Variants in LRRC74A observed in about 807,000 individuals in gnomAD.
LRRC74A encodes the protein leucine-rich repeat-containing protein 74A.
A neutral mutation model predicts 57.9 loss-of-function variants in LRRC74A; 44 were observed. The observed-to-expected ratio is 0.76, with a 90% CI of 0.60 to 0.98. LRRC74A has a LOEUF of 0.98. Ranked by LOEUF, LRRC74A falls within the 50% of genes least tolerant of loss-of-function variation. The pLI is 0.00. For synonymous variants in LRRC74A, 211 were observed against 219.4 expected (o/e 0.96, Z 0.34); for missense variants, 572 against 574.0 (o/e 1.00, Z 0.04).
intron 1 of LRRC74A, 73 bp downstream of exon 1, chr14:76,826,807 G>A (rs1224355575): frequency 1.4e-5 from 15 of 1,039,814 alleles, no homozygotes; most frequent in Admixed American, 2.1e-5. Flanking sequence ...GTGATCACAG[G>A]ACCCTGAAGC....
At chr14:76,850,889 A>G (rs1392189625) in intron 7 of LRRC74A, among the ~76,000 whole-genome samples, 1 of 151,934 alleles carries the variant, frequency 6.6e-6, no homozygotes, top group Non-Finnish European at 1.5e-5. Flanking sequence ...AAGAAAAGAA[A>G]TAAGACATTA....
rs151100838 is a variant in LRRC74A at position 76,866,654 on chromosome 14, C to T, written c.1308+579C>T. Among the ~76,000 whole-genome samples the T allele has an allele frequency of 7.9e-3, 1,202 of 152,122 alleles. 11 individuals are homozygous for T. The highest frequency in any genetic ancestry group is 0.016 in the Admixed American group (244 of 15,282). ...GGTGCCCAGGCCGGGGGTGAAGAGGCTGGCCAGGACTCAGCAGCAGGAAGT... is the reference window on the plus strand; with the variant it reads ...GGTGCCCAGGCCGGGGGTGAAGAGGTTGGCCAGGACTCAGCAGCAGGAAGT... On this transcript the variant is annotated intron_variant, in intron 12 of 13. Coordinates refer to ENST00000689127, the MANE Select transcript of LRRC74A (RefSeq NM_001385106.1).
intron 1 of LRRC74A, among the ~76,000 whole-genome samples, chr14:76,827,069 G>A (rs1273701303): frequency 1.3e-5 from 2 of 152,146 alleles, no homozygotes; most frequent in African/African-American, 4.8e-5. Flanking sequence ...TTTTGGTGTT[G>A]TTTGTTTTTT....
rs199769866 is a variant in LRRC74A, at chr14:76,846,485, G to GA, written c.676+1593dup. On this transcript the variant is annotated intron_variant, in intron 7 of 13. Transcript: ENST00000689127. ...TTATTACAGCATCGCCATAAAAGAG[G>GA]AAAAAAAAATAGTAACAACCTAAAT... is the stretch of plus-strand genomic sequence containing the variant. 1.1e-4 allele frequency among the ~76,000 whole-genome samples: 17 copies of GA among 150,264 alleles called. No homozygotes were observed. In the East Asian group the frequency reaches 1.7e-3, roughly 15 times the overall value.
At chr14:76,833,211 G>C (rs1896087811) in intron 3 of LRRC74A, among the ~76,000 whole-genome samples, 1 of 152,290 alleles carries the variant, frequency 6.6e-6, no homozygotes, top group East Asian at 1.9e-4. Context: ...AGACATCTGA[G>C]AGAGTGATGA....
chr14:76,870,141 A>G lies in LRRC74A; in HGVS notation c.1408A>G (p.Lys470Glu). 2 of 1,611,558 alleles carry G rather than the reference A, an allele frequency of 1.2e-6. No homozygotes were observed. Among genetic ancestry groups the G allele is most frequent in the African/African-American group, 1.3e-5 (1 of 75,064 alleles). Reference sequence around the variant, plus strand: ...TCGTACCAGTTTCTTGAACACGATGAAGCCATAGCAACAAGTCTGGTCTAG... The same window carrying G: ...TCGTACCAGTTTCTTGAACACGATGGAGCCATAGCAACAAGTCTGGTCTAG... ...MVNFSFLNTM[K>E]P is the part of the protein sequence containing the mutation. The change falls in exon 14 of 14, where the codon AAG (lysine) becomes GAG (glutamate). Residue 470 changes from lysine to glutamate, a missense_variant. By Grantham distance (56) the Lys-to-Glu change is moderately conservative (BLOSUM62 1). Transcript: ENST00000689127.
chr14:76,835,218 C>T (rs1896238406), intron 3 of LRRC74A, among the ~76,000 whole-genome samples: 2 of 152,160 alleles, frequency 1.3e-5, no homozygotes, highest in Admixed American at 1.3e-4. Flanking sequence ...ACTAGTGGCT[C>T]ACGCCTGTAA....
At chr14:76,850,186 C>T (rs960982919) in intron 7 of LRRC74A, among the ~76,000 whole-genome samples, 4 of 152,074 alleles carry the variant, frequency 2.6e-5, no homozygotes, top group Admixed American at 6.5e-5. Flanking sequence ...CCAGCCTGGG[C>T]GACAGACGGA....
Position 76,857,666 on chromosome 14 carries a change from G to A in LRRC74A, c.1053+191G>A, listed in dbSNP as rs143371145. 8.3e-4 allele frequency among the ~76,000 whole-genome samples: 126 copies of A among 152,258 alleles called. 1 individual carries two copies. The highest frequency in any genetic ancestry group is 1.6e-3 in the Admixed American group (24 of 15,290). On this transcript the variant is annotated intron_variant, in intron 10 of 13. Coordinates refer to ENST00000689127, the MANE Select transcript of LRRC74A (RefSeq NM_001385106.1). Reference sequence around the variant, plus strand: ...ATCCTTTTAGGAAGAGTAGCTATTAGTCAGTAACATCATAGTGAGAAATAA... The same window carrying A: ...ATCCTTTTAGGAAGAGTAGCTATTAATCAGTAACATCATAGTGAGAAATAA...
intron 2 of LRRC74A, 105 bp from the exon 3 acceptor site, chr14:76,831,098 C>A: frequency 8.4e-7 from 1 of 1,185,488 alleles, no homozygotes; most frequent in Non-Finnish European, 1.2e-6. Flanking sequence ...GGGAGAGATC[C>A]TCTGGCAGAG....
intron 11 of LRRC74A, among the ~76,000 whole-genome samples, chr14:76,863,104 A>T (rs1898446739): frequency 6.6e-6 from 1 of 152,066 alleles, no homozygotes; most frequent in South Asian, 2.1e-4. Context: ...TGAAGGGCAG[A>T]TGTAAGAGCT....
At chr14:76,839,583 T>C (rs1398583202) in intron 5 of LRRC74A, among the ~76,000 whole-genome samples, 1 of 152,206 alleles carries the variant, frequency 6.6e-6, no homozygotes, top group African/African-American at 2.4e-5. Flanking sequence ...TTCTCGCTAT[T>C]ATTGTCTTTG....
chr14:76,857,342 C>A (rs1439297777), intron 9 of LRRC74A, 38 bp from the exon 10 acceptor site: 18 of 1,367,250 alleles, frequency 1.3e-5, no homozygotes, highest in East Asian at 2.5e-5. Flanking sequence ...CCTCTCCTCC[C>A]ATCTCAGCCT....
rs1168658774 is a variant in LRRC74A at position 76,865,991 on chromosome 14, C to T, written c.1224C>T (p.Ile408=). 1.9e-6 allele frequency: 3 copies of T among 1,599,038 alleles called. No individual in the cohort carries two copies. In the South Asian group the frequency reaches 3.3e-5, roughly 18 times the overall value. ...AGAGCTATGCAGACCAACACAAAATCACGATCGTGGACTTCTTCAAGAGCT... is the reference window on the plus strand; with the variant it reads ...AGAGCTATGCAGACCAACACAAAATTACGATCGTGGACTTCTTCAAGAGCT... ...LIQSYADQHK[I]TIVDFFKSLN... The change falls in exon 12 of 14, where the codon ATC becomes ATT. Residue 408 remains isoleucine, a synonymous_variant. Transcript: ENST00000689127.
chr14:76,860,877 C>G, intron 11 of LRRC74A, 38 bp downstream of exon 11: 1 of 1,530,094 alleles, frequency 6.5e-7, no homozygotes. Context: ...TCCAGGGAGC[C>G]CTGGGGAAAG....
chr14:76,844,007 T>TC (rs1264229273), intron 5 of LRRC74A, among the ~76,000 whole-genome samples: 1 of 151,764 alleles, frequency 6.6e-6, no homozygotes, highest in East Asian at 1.9e-4. Flanking sequence ...AGGCTCCTTT[T>TC]CTTTTTTTAA....
chr14:76,868,933 A>G (rs1431294368), intron 13 of LRRC74A, among the ~76,000 whole-genome samples: 2 of 152,184 alleles, frequency 1.3e-5, no homozygotes, highest in Non-Finnish European at 2.9e-5. Flanking sequence ...AGTGGGGGAA[A>G]TGCACACAGC....
At chr14:76,859,443 A>T (rs1376188716) in intron 10 of LRRC74A, among the ~76,000 whole-genome samples, 1 of 151,408 alleles carries the variant, frequency 6.6e-6, no homozygotes, top group Non-Finnish European at 1.5e-5. Context: ...CTGAAGCAGG[A>T]GAATCACTTG....
At chr14:76,861,860 G>T (rs1898338894) in intron 11 of LRRC74A, among the ~76,000 whole-genome samples, 1 of 152,190 alleles carries the variant, frequency 6.6e-6, no homozygotes, top group Admixed American at 6.5e-5. Context: ...GTTCTGCAGG[G>T]TGTGTCCCCG....
Sources: gnomAD v4.1 joint callset for allele counts (sites outside exome capture counted in the v4.1 genomes callset) on GRCh38, gnomAD v4.1.1 for gene constraint, MANE v1.5 for transcripts, NCBI Gene and HGNC (gene_info 2026-07-23, HGNC 2026-07-21) for gene names.